ATP13A1: variants seen among roughly 807,000 people sequenced by gnomAD.
The protein encoded by ATP13A1 is endoplasmic reticulum transmembrane helix translocase.
In ATP13A1, 55 loss-of-function variants were observed where a neutral mutation model predicts 134.8. That is an observed-to-expected ratio of 0.41 (90% CI 0.33 to 0.51). ATP13A1 has a LOEUF of 0.51. ATP13A1 is among the 20% of genes least tolerant of loss of function. The probability of loss-of-function intolerance (pLI) is 0.29; values close to 1 mark genes in which losing one functional copy is unlikely to be tolerated. For synonymous variants in ATP13A1, 775 were observed against 725.1 expected, an observed-to-expected ratio of 1.07 and a Z score of -1.10; for missense variants, 1,389 against 1,652.8, an observed-to-expected ratio of 0.84 and a Z score of 2.77.
Position 19,659,725 on chromosome 19 carries a change from C to T in ATP13A1, c.553G>A (p.Glu185Lys). 6.2e-7 allele frequency: 1 copy of T among 1,613,996 alleles called. No homozygotes were observed. The highest frequency in any genetic ancestry group is 8.5e-7 in the Non-Finnish European group (1 of 1,179,886). The change falls in exon 3 of 26, where the codon GAG becomes AAG. Residue 185 changes from glutamate to lysine, a missense_variant. By Grantham distance (56) the Glu-to-Lys change is moderately conservative (BLOSUM62 1). This residue lies in a region of ATP13A1 where 293 missense variants were observed against 270.8 expected (regional missense o/e 1.08). Transcript: ENST00000357324. The part of the protein sequence containing the change: ...QKIKYSYDAL[E>K]KKQFLPVAFP... ...GCCACGGGGAGAAACTGCTTCTTCT[C>T]CAGGGCATCGTAGGAATACTTGATC... is the stretch of plus-strand genomic sequence containing the variant.
In ATP13A1 at chr19:19,647,635, C is replaced by A; in HGVS notation, c.2757G>T (p.Gly919=). The change falls in exon 20 of 26, where the codon GGG becomes GGT. Residue 919 remains glycine (G), a synonymous_variant. Coordinates refer to ENST00000357324, the MANE Select transcript of ATP13A1 (RefSeq NM_020410.3). This position sits in a 1 kb window ranked among gnomAD's most constrained non-coding sequence, Gnocchi z 4.8. Reference sequence around the variant, plus strand: ...TTGGCTGCTCCTCGGAGGGAGGGAGCCCCGACCGCTGCTTGGCTGTCCTGG... The same window carrying A: ...TTGGCTGCTCCTCGGAGGGAGGGAGACCCGACCGCTGCTTGGCTGTCCTGG... The part of the protein sequence containing the change: ...ATSRTAKQRS[G]LPPSEEQPTS... The A allele has an allele frequency of 3.1e-6, 5 of 1,613,242 alleles. No homozygotes were observed. Among genetic ancestry groups the A allele is most frequent in the Middle Eastern group, 1.7e-4 (1 of 6,016 alleles).
chr19:19,650,160 T>C (rs1367602864), intron 17 of ATP13A1: 19 of 592,022 alleles, frequency 3.2e-5, no homozygotes, highest in Non-Finnish European at 5.1e-5. Flanking sequence ...GCTACTTGCC[T>C]GAGAGCCCGG....
chr19:19,656,531 A>G lies in ATP13A1; in HGVS notation c.1083+129T>C, dbSNP rs1463627938. ...CCCACCACCCGGCTCCCCAGTCCACAGAGCTCATCTGTGCCCACACTGCCT... is the reference window on the plus strand; with the variant it reads ...CCCACCACCCGGCTCCCCAGTCCACGGAGCTCATCTGTGCCCACACTGCCT... On this transcript the variant is annotated intron_variant, in intron 7 of 25. Transcript: ENST00000357324. This position sits in a 1 kb window ranked among gnomAD's most constrained non-coding sequence, Gnocchi z 4.6. 9.8e-7 allele frequency: 1 copy of G among 1,023,440 alleles called. No homozygotes were observed. The highest frequency in any genetic ancestry group is 1.4e-6 in the Non-Finnish European group (1 of 698,282). 63.4% of individuals were successfully genotyped at this position (1,023,440 alleles called of 1,614,324 possible). A position where few individuals can be genotyped will look rare whatever the true frequency, so the allele number is the denominator to read the frequency against.
At position 19,657,066 on chromosome 19, in the gene ATP13A1, G is replaced by A. The variant is rs1430889601; in HGVS notation, c.834C>T (p.Ala278=). Residue 278 remains alanine (A), a synonymous_variant, in exon 5 of 26, where the codon GCC becomes GCT. Coordinates refer to ENST00000357324, the MANE Select transcript of ATP13A1 (RefSeq NM_020410.3). ...FTLSMLVAFE[A]SLVQQQMRNM... Reference sequence around the variant, plus strand: ...TCCGCATCTGCTGCTGCACCAGCGAGGCCTCGAACGCCACCAGCATGGATA... The same window carrying A: ...TCCGCATCTGCTGCTGCACCAGCGAAGCCTCGAACGCCACCAGCATGGATA... The A allele has an allele frequency of 1.3e-6, 2 of 1,552,040 alleles. No individual in the cohort carries two copies. Among genetic ancestry groups the A allele is most frequent in the Non-Finnish European group, 1.7e-6 (2 of 1,149,010 alleles).
intron 1 of ATP13A1, among the ~76,000 whole-genome samples, chr19:19,661,581 A>G (rs190024496): frequency 1.1e-4 from 16 of 152,280 alleles, no homozygotes; most frequent in Middle Eastern, 3.4e-3. Flanking sequence ...ACTGCTGACT[A>G]TGAGTTCTCC....
In ATP13A1 at chr19:19,655,431, G is replaced by A; in HGVS notation, c.1419C>T (p.Asn473=). 6.2e-7 allele frequency: 1 copy of A among 1,613,986 alleles called. No individual in the cohort carries two copies. Reference sequence around the variant, plus strand: ...TGCACTCCAGAAACAGCTTGTAGCGGTTCCGGCTGGGGTCCTTGGTACCTG... The same window carrying A: ...TGCACTCCAGAAACAGCTTGTAGCGATTCCGGCTGGGGTCCTTGGTACCTG... ...WIEGTKDPSR[N]RYKLFLECTL... is the part of the protein sequence containing the mutation. Residue 473 remains asparagine, a synonymous_variant, in exon 11 of 26, where the codon AAC becomes AAT. Transcript: ENST00000357324. This position sits in a 1 kb window ranked among gnomAD's most constrained non-coding sequence, Gnocchi z 5.7.
intron 3 of ATP13A1, 42 bp from the exon 4 acceptor site, chr19:19,657,450 T>C: frequency 6.5e-7 from 1 of 1,537,648 alleles, no homozygotes; most frequent in Non-Finnish European, 8.8e-7. Context: ...GGGCAAGGCC[T>C]CTGGGGTATG....
Position 19,663,321 on chromosome 19 carries a change from G to A in ATP13A1, c.346C>T (p.Leu116Phe). 3 of 1,592,054 alleles carry A rather than the reference G, an allele frequency of 1.9e-6. No homozygotes were observed. The highest frequency in any genetic ancestry group is 1.1e-5 in the South Asian group (1 of 87,820). Reference sequence around the variant, plus strand: ...GCGTGCACAGACCAATGCCCCGAGAGGACAGTGAGCGCGTGCGCGAGGCAG... The same window carrying A: ...GCGTGCACAGACCAATGCCCCGAGAAGACAGTGAGCGCGTGCGCGAGGCAG... ...TICLAHALTV[L>F]SGHWSVHAHC... The change falls in exon 1 of 26, where the codon CTC becomes TTC. Residue 116 changes from leucine (L) to phenylalanine (F), a missense_variant. This residue lies in a region of ATP13A1 where 293 missense variants were observed against 270.8 expected (regional missense o/e 1.08). Transcript: ENST00000357324.
intron 13 of ATP13A1, 27 bp downstream of exon 13, chr19:19,654,516 G>A (rs750723873): frequency 1.3e-6 from 2 of 1,577,786 alleles, no homozygotes; most frequent in Non-Finnish European, 1.7e-6. Flanking sequence ...GCTCCCCCTT[G>A]CTGGGCCTGA....
chr19:19,662,685 T>A (rs1433590359), intron 1 of ATP13A1, among the ~76,000 whole-genome samples: 1 of 152,138 alleles, frequency 6.6e-6, no homozygotes, highest in East Asian at 1.9e-4. Context: ...CGGAAAGACA[T>A]CATGTAAATG....
intron 13 of ATP13A1, 98 bp from the exon 14 acceptor site, chr19:19,654,242 C>T (rs2062042845): frequency 1.6e-6 from 2 of 1,274,622 alleles, no homozygotes; most frequent in African/African-American, 1.5e-5. Flanking sequence ...CCTCCTGCCT[C>T]CCCCAGGGCC....
At chr19:19,654,220 C>T in intron 13 of ATP13A1, 76 bp from the exon 14 acceptor site, 1 of 1,387,114 alleles carries the variant, frequency 7.2e-7, no homozygotes, top group South Asian at 1.4e-5. Context: ...TCACCCCGGC[C>T]TCCCCCACCT....
At position 19,647,558 on chromosome 19, in the gene ATP13A1, T is replaced by C; in HGVS notation, c.2794-30A>G. On this transcript the variant is annotated intron_variant, in intron 20 of 25. Coordinates refer to ENST00000357324, the MANE Select transcript of ATP13A1 (RefSeq NM_020410.3). This position sits in a 1 kb window ranked among gnomAD's most constrained non-coding sequence, Gnocchi z 4.8. The stretch of plus-strand genomic sequence containing the variant: ...AGGGTAGACAGCAGGCTGTCAGCCC[T>C]GGCCAGGATGGGGTGCAGCACCTCC... 6.2e-7 allele frequency: 1 copy of C among 1,612,502 alleles called. No homozygotes were observed. The highest frequency in any genetic ancestry group is 1.7e-4 in the Middle Eastern group (1 of 6,046).
intron 1 of ATP13A1, chr19:19,662,239 G>A: frequency 6.0e-6 from 9 of 1,501,202 alleles, no homozygotes; most frequent in Non-Finnish European, 8.0e-6. Context: ...GTCTTTCATT[G>A]TACTACCTCA....
Position 19,648,807 on chromosome 19 carries a change from C to CAAAAA in ATP13A1, c.2632+755_2632+759dup, listed in dbSNP as rs71172506. The stretch of plus-strand genomic sequence containing the variant: ...CTGGGCAACAAGAGAGAAACTGTCT[C>CAAAAA]AAAAAAAAAAAAAAAAAAAAAAGGC... On this transcript the variant is annotated intron_variant, in intron 19 of 25. Coordinates refer to ENST00000357324, the MANE Select transcript of ATP13A1 (RefSeq NM_020410.3). Among the ~76,000 whole-genome samples the CAAAAA allele has an allele frequency of 5.6e-3, 225 of 40,198 alleles. 10 individuals carry two copies. The highest frequency in any genetic ancestry group is 0.017 in the African/African-American group (159 of 9,416). The allele number at this position is 40,198 out of a possible 152,430, so 26.4% of individuals were successfully genotyped here.
Position 19,655,518 on chromosome 19 carries a change from TG to T in ATP13A1, c.1396+9del. The stretch of plus-strand genomic sequence containing the variant: ...TGGGCGCAGGGGACCACAGAGGCCG[TG>T]GCGCTTACCTTCAATCCATACATAG... On this transcript the variant is annotated intron_variant, in intron 10 of 25. Transcript: ENST00000357324. This position sits in a 1 kb window ranked among gnomAD's most constrained non-coding sequence, Gnocchi z 5.7. 1 of 1,613,914 alleles carries T rather than the reference TG, an allele frequency of 6.2e-7. No individual in the cohort carries two copies. Among genetic ancestry groups the T allele is most frequent in the South Asian group, 1.1e-5 (1 of 91,084 alleles).
rs2061981291 is a variant in ATP13A1 at position 19,645,817 on chromosome 19, C to T, written c.3361-27G>A. On this transcript the variant is annotated intron_variant, in intron 24 of 25. Coordinates refer to ENST00000357324, the MANE Select transcript of ATP13A1 (RefSeq NM_020410.3). This position sits in a 1 kb window ranked among gnomAD's most constrained non-coding sequence, Gnocchi z 4.1. ...TGTGGGGATGAGGGACAGATGGCTTCATGGGGTGGGGCTGGGTGGGCAGAC... is the reference window on the plus strand; with the variant it reads ...TGTGGGGATGAGGGACAGATGGCTTTATGGGGTGGGGCTGGGTGGGCAGAC... 2.5e-6 allele frequency: 2 copies of T among 790,542 alleles called. No homozygotes were observed. The highest frequency in any genetic ancestry group is 3.9e-6 in the Non-Finnish European group (2 of 507,720). 49.0% of individuals were successfully genotyped at this position (790,542 alleles called of 1,614,324 possible).
rs2062038710 is a variant in ATP13A1, at chr19:19,653,672, G to A, written c.2100+112C>T. On this transcript the variant is annotated intron_variant, in intron 15 of 25. Transcript: ENST00000357324. The surrounding 1 kb of genome is among the most constrained non-coding windows in gnomAD (Gnocchi z 4.2). ...AAGGTAGAAGCTGGAGGCGGGGCAA[G>A]GAGGACAAAATCACAACCATTCAAC... 9.8e-7 allele frequency: 1 copy of A among 1,025,346 alleles called. No homozygotes were observed. Among genetic ancestry groups the A allele is most frequent in the Non-Finnish European group, 1.4e-6 (1 of 709,474 alleles). The allele number at this position is 1,025,346 out of a possible 1,614,324, so 63.5% of individuals were successfully genotyped here.
Position 19,656,126 on chromosome 19 carries a change from G to A in ATP13A1, c.1141C>T (p.Leu381=). 1.9e-6 allele frequency: 3 copies of A among 1,613,760 alleles called. No individual in the cohort carries two copies. The highest frequency in any genetic ancestry group is 1.7e-5 in the Admixed American group (1 of 60,002). ...TTGGTGCCCCCGAAGATGACGTGCAGCCGGGAATCAGCCTGGAGGTCCAGC... is the reference window on the plus strand; with the variant it reads ...TTGGTGCCCCCGAAGATGACGTGCAACCGGGAATCAGCCTGGAGGTCCAGC... The part of the protein sequence containing the change: ...RVLDLQADSR[L]HVIFGGTKVV... The change falls in exon 8 of 26, where the codon CTG becomes TTG. Residue 381 remains leucine (L), a synonymous_variant. Coordinates refer to ENST00000357324, the MANE Select transcript of ATP13A1 (RefSeq NM_020410.3). The surrounding 1 kb of genome is among the most constrained non-coding windows in gnomAD (Gnocchi z 4.6).
Sources: gnomAD v4.1 joint callset for allele counts (sites outside exome capture counted in the v4.1 genomes callset) on GRCh38, gnomAD v4.1.1 for gene constraint, gnomAD v4.1.1 regional missense constraint, Gnocchi (gnomAD v3.1) non-coding constraint, MANE v1.5 for transcripts, NCBI Gene and HGNC (gene_info 2026-07-23, HGNC 2026-07-21) for gene names.